The following PALS1 variants were observed in gnomAD, a reference collection of about 807,000 sequenced individuals.
The protein encoded by PALS1 is protein PALS1.
A neutral mutation model predicts 78.9 loss-of-function variants in PALS1; 31 were observed. The observed-to-expected ratio is 0.39, with a 90% CI of 0.30 to 0.53. The LOEUF is 0.53. PALS1 is among the 20% of genes least tolerant of loss of function. The pLI is 0.67. For missense variants in PALS1, 704 were observed against 826.5 expected (o/e 0.85, Z 1.82); for synonymous variants, 276 against 270.9 (o/e 1.02, Z -0.18).
intron 3 of PALS1, among the ~76,000 whole-genome samples, chr14:67,291,350 C>T: frequency 6.6e-6 from 1 of 151,968 alleles, no homozygotes; most frequent in East Asian, 1.9e-4. Flanking sequence ...TGTCTCGCCT[C>T]CCGAGTAGCT....
At chr14:67,301,863 A>C in intron 5 of PALS1, 109 bp from the exon 6 acceptor site, 1 of 1,207,508 alleles carries the variant, frequency 8.3e-7, no homozygotes, top group Non-Finnish European at 1.1e-6. Flanking sequence ...AATTAATTAT[A>C]ACACTTTTAA....
intron 1 of PALS1, among the ~76,000 whole-genome samples, chr14:67,261,675 G>A (rs1043979638): frequency 6.6e-6 from 1 of 152,070 alleles, no homozygotes; most frequent in Admixed American, 6.6e-5. Context: ...TGGAATGTTG[G>A]TAGCCTAGTA....
chr14:67,287,205 C>T (rs142764744), intron 3 of PALS1, among the ~76,000 whole-genome samples: 7 of 151,646 alleles, frequency 4.6e-5, no homozygotes, highest in Non-Finnish European at 7.4e-5. Flanking sequence ...GGTGACAGAG[C>T]GAAACCCTAT....
intron 1 of PALS1, among the ~76,000 whole-genome samples, chr14:67,250,558 A>T (rs1276725904): frequency 6.6e-6 from 1 of 152,176 alleles, no homozygotes; most frequent in African/African-American, 2.4e-5. Context: ...TTGTTTTGTG[A>T]TTCTGATAGT....
intron 1 of PALS1, among the ~76,000 whole-genome samples, chr14:67,252,514 G>A (rs559053573): frequency 6.6e-6 from 1 of 152,172 alleles, no homozygotes; most frequent in Non-Finnish European, 1.5e-5. Context: ...TAGCTGGGTG[G>A]TGTGAAGTAC....
At chr14:67,312,983 C>T (rs540958543) in intron 9 of PALS1, among the ~76,000 whole-genome samples, 3 of 152,026 alleles carry the variant, frequency 2.0e-5, no homozygotes, top group African/African-American at 4.8e-5. Context: ...ACCGTATTAT[C>T]GAGGCAATAC....
At chr14:67,329,882 ATAT>A (rs1298359908) in intron 14 of PALS1, among the ~76,000 whole-genome samples, 1 of 144,546 alleles carries the variant, frequency 6.9e-6, no homozygotes, top group Non-Finnish European at 1.5e-5. Flanking sequence ...AAATAAATAG[ATAT>A]AGAAACTAAG....
chr14:67,291,345 C>T lies in PALS1; in HGVS notation c.368-1166C>T, dbSNP rs189829702. Among the ~76,000 whole-genome samples, 94 of 151,824 alleles carry T rather than the reference C, an allele frequency of 6.2e-4. 1 individual carries two copies. Among genetic ancestry groups the T allele is most frequent in the African/African-American group, 2.2e-3 (93 of 41,388 alleles). On this transcript the variant is annotated intron_variant, in intron 3 of 14. Coordinates refer to ENST00000261681, the MANE Select transcript of PALS1 (RefSeq NM_022474.4). ...CTGGGTTCAAGTGATTCTCCTGTCTCGCCTCCCGAGTAGCTGGGATTACAG... is the reference window on the plus strand; with the variant it reads ...CTGGGTTCAAGTGATTCTCCTGTCTTGCCTCCCGAGTAGCTGGGATTACAG...
chr14:67,292,469 C>T (rs761052103), intron 3 of PALS1, 42 bp from the exon 4 acceptor site: 4 of 1,359,394 alleles, frequency 2.9e-6, no homozygotes, highest in Non-Finnish European at 4.2e-6. Context: ...TGAATTAATA[C>T]TGAAACAGTT....
At chr14:67,279,732 G>T (rs1037098595) in intron 3 of PALS1, 195 bp downstream of exon 3, 3 of 461,602 alleles carry the variant, frequency 6.5e-6, no homozygotes, top group South Asian at 1.7e-4. Context: ...AAAGCATGTG[G>T]CTTAAATGTT....
chr14:67,269,337 T>TG (rs2084376782), intron 1 of PALS1, among the ~76,000 whole-genome samples: 1 of 151,686 alleles, frequency 6.6e-6, no homozygotes, highest in Non-Finnish European at 1.5e-5. Flanking sequence ...GTACAAGTTT[T>TG]TGTGTGTGTG....
chr14:67,308,658 G>A (rs1400472587), intron 8 of PALS1, among the ~76,000 whole-genome samples: 1 of 149,374 alleles, frequency 6.7e-6, no homozygotes, highest in Non-Finnish European at 1.5e-5. Flanking sequence ...TGATTCTCCC[G>A]CCTCAGCCTC....
intron 8 of PALS1, among the ~76,000 whole-genome samples, chr14:67,310,167 C>G (rs1174230400): frequency 6.6e-6 from 1 of 151,896 alleles, no homozygotes; most frequent in Non-Finnish European, 1.5e-5. Flanking sequence ...AATCTCTTAA[C>G]TGTGTTTTGA....
At position 67,314,902 on chromosome 14, in the gene PALS1, G is replaced by T. The variant is rs114181778; in HGVS notation, c.1226-1930G>T. Among the ~76,000 whole-genome samples the T allele has an allele frequency of 4.3e-3, 656 of 152,204 alleles. 17 individuals are homozygous for T. The East Asian group carries it at 0.058, about 13-fold the overall frequency. On this transcript the variant is annotated intron_variant, in intron 9 of 14. Transcript: ENST00000261681. Reference sequence around the variant, plus strand: ...GCCCAGGAGTTTGAGACTAGCCTGGGCCACATAGTGGCATAGCTGACATAA... The same window carrying T: ...GCCCAGGAGTTTGAGACTAGCCTGGTCCACATAGTGGCATAGCTGACATAA...
chr14:67,293,650 C>A (rs893031857), intron 4 of PALS1, among the ~76,000 whole-genome samples: 1 of 152,142 alleles, frequency 6.6e-6, no homozygotes, highest in Non-Finnish European at 1.5e-5. Flanking sequence ...TGATCTTATA[C>A]TATTCACACA....
chr14:67,255,521 C>T (rs2084132317), intron 1 of PALS1, among the ~76,000 whole-genome samples: 2 of 152,076 alleles, frequency 1.3e-5, no homozygotes, highest in African/African-American at 2.4e-5. Context: ...TTCCTAAATA[C>T]TAAAGAGCCA....
chr14:67,325,979 C>CTTTTTTTTTTTTTTTTTTTTT (rs61592505), intron 14 of PALS1, among the ~76,000 whole-genome samples: 1 of 110,222 alleles, frequency 9.1e-6, no homozygotes, highest in African/African-American at 3.9e-5. Flanking sequence ...CGGCTCTTTT[C>CTTTTTTTTTTTTTTTTTTTTT]TTTTTTTTTT....
chr14:67,254,994 C>A (rs572101347), intron 1 of PALS1, among the ~76,000 whole-genome samples: 1 of 152,230 alleles, frequency 6.6e-6, no homozygotes, highest in East Asian at 1.9e-4. Flanking sequence ...ACTAAAAATA[C>A]AAAAATTAGC....
intron 14 of PALS1, among the ~76,000 whole-genome samples, chr14:67,332,000 CTGTT>C (rs1480638126): frequency 6.6e-6 from 1 of 152,192 alleles, no homozygotes; most frequent in Non-Finnish European, 1.5e-5. Flanking sequence ...TGTTTTCTTA[CTGTT>C]ACAGAAGTTC....
Sources: allele counts gnomAD v4.1 joint callset (sites outside exome capture counted in the v4.1 genomes callset), GRCh38; gene constraint gnomAD v4.1.1; transcripts MANE v1.5; gene names NCBI Gene and HGNC (gene_info 2026-07-23, HGNC 2026-07-21).